CSMD3: variants seen among roughly 807,000 people sequenced by gnomAD.
The protein encoded by CSMD3 is CUB and sushi domain-containing protein 3.
CSMD3 carries 177 observed loss-of-function variants against 435.2 expected under a neutral mutation model. That is an observed-to-expected ratio of 0.41 (90% CI 0.36 to 0.46). The LOEUF is 0.46. Among genes scored for constraint, CSMD3 ranks in the 20% least tolerant of loss-of-function variants. CSMD3 has a pLI of 0.34. For synonymous variants in CSMD3, 1,656 were observed against 1,520.5 expected, an observed-to-expected ratio of 1.09 and a Z score of -2.07; for missense variants, 4,265 against 4,504.6, an observed-to-expected ratio of 0.95 and a Z score of 1.52.
intron 3 of CSMD3, among the ~76,000 whole-genome samples, chr8:113,256,718 A>G (rs1330301548): frequency 6.6e-6 from 1 of 152,210 alleles, no homozygotes; most frequent in Non-Finnish European, 1.5e-5. Context: ...TGCAACAATT[A>G]CAACTTTTAC....
chr8:113,382,224 T>G (rs1375735477), intron 1 of CSMD3, among the ~76,000 whole-genome samples: 2 of 152,154 alleles, frequency 1.3e-5, no homozygotes, highest in Non-Finnish European at 2.9e-5. Flanking sequence ...CTTACTAAGA[T>G]TCTAAGAATA....
chr8:112,657,220 G>A (rs909153047), intron 17 of CSMD3, among the ~76,000 whole-genome samples: 6 of 151,860 alleles, frequency 4.0e-5, no homozygotes, highest in African/African-American at 1.5e-4. Flanking sequence ...GTGCCACCAC[G>A]CCTGGCGGAT....
chr8:112,974,857 C>T (rs1163547557), intron 7 of CSMD3, among the ~76,000 whole-genome samples: 1 of 151,672 alleles, frequency 6.6e-6, no homozygotes, highest in East Asian at 1.9e-4. Flanking sequence ...CAGACCATTA[C>T]TTAAATCATG....
intron 10 of CSMD3, among the ~76,000 whole-genome samples, chr8:112,868,132 C>T (rs966518514): frequency 7.2e-5 from 11 of 152,042 alleles, no homozygotes; most frequent in African/African-American, 2.7e-4. Flanking sequence ...CCTAGGTCTA[C>T]ACAGGGTCAG....
chr8:112,444,033 A>G (rs182087993), intron 32 of CSMD3, among the ~76,000 whole-genome samples: 10 of 152,338 alleles, frequency 6.6e-5, no homozygotes, highest in Non-Finnish European at 1.3e-4. Flanking sequence ...ATTACAATGT[A>G]GTAGAACTGA....
At chr8:112,822,510 G>T (rs916900846) in intron 12 of CSMD3, among the ~76,000 whole-genome samples, 1 of 152,110 alleles carries the variant, frequency 6.6e-6, no homozygotes, top group Non-Finnish European at 1.5e-5. Flanking sequence ...TCTGTATCCT[G>T]AGAGCTTGCT....
In CSMD3 at chr8:112,383,646, A is replaced by G. The variant is rs1319681515; in HGVS notation, c.5952T>C (p.Phe1984=). 6.2e-7 allele frequency: 1 copy of G among 1,603,952 alleles called. No individual in the cohort carries two copies. Among genetic ancestry groups the G allele is most frequent in the Admixed American group, 1.7e-5 (1 of 60,014 alleles). The change falls in exon 37 of 71, where the codon TTT becomes TTC. Residue 1984 remains phenylalanine, a synonymous_variant. Coordinates refer to ENST00000297405, the MANE Select transcript of CSMD3 (RefSeq NM_198123.2). ...GAGAATCCCAATTATGTTCTGTAGC[A>G]AAGCTAACAACTTGCACCTGTGAAA... The part of the protein sequence containing the change: ...GAGIQVQVVS[F]ATEHNWDSLD...
chr8:112,495,925 TA>T (rs560430897), intron 30 of CSMD3, among the ~76,000 whole-genome samples: 173 of 150,912 alleles, frequency 1.1e-3, no homozygotes, highest in Admixed American at 4.0e-3. Context: ...TGTATATGTA[TA>T]TATATATATT....
intron 4 of CSMD3, among the ~76,000 whole-genome samples, chr8:113,145,887 G>C (rs757109685): frequency 6.6e-6 from 1 of 151,476 alleles, no homozygotes; most frequent in African/African-American, 2.4e-5. Context: ...GTTAGTGGGA[G>C]AGAATCCATG....
chr8:112,811,523 T>C (rs957973804), intron 12 of CSMD3, among the ~76,000 whole-genome samples: 1 of 152,156 alleles, frequency 6.6e-6, no homozygotes, highest in Non-Finnish European at 1.5e-5. Context: ...CACTGAGTGT[T>C]AAAGCCTAGG....
At chr8:112,952,352 A>G (rs2083849225) in intron 8 of CSMD3, among the ~76,000 whole-genome samples, 1 of 151,676 alleles carries the variant, frequency 6.6e-6, no homozygotes. Flanking sequence ...GGCCGTGCCC[A>G]TCATAGAATT....
intron 25 of CSMD3, among the ~76,000 whole-genome samples, chr8:112,555,277 A>G (rs1415868357): frequency 6.6e-6 from 1 of 151,968 alleles, no homozygotes; most frequent in Non-Finnish European, 1.5e-5. Context: ...AGTAGAGAAT[A>G]TCTTCAGCTT....
chr8:112,721,833 T>C (rs1399909462), intron 13 of CSMD3, among the ~76,000 whole-genome samples: 1 of 152,120 alleles, frequency 6.6e-6, no homozygotes, highest in Non-Finnish European at 1.5e-5. Flanking sequence ...GATATTAATA[T>C]ATTTGATGTG....
chr8:112,423,957 C>T (rs372924643), intron 32 of CSMD3, among the ~76,000 whole-genome samples: 1 of 152,022 alleles, frequency 6.6e-6, no homozygotes, highest in Non-Finnish European at 1.5e-5. Context: ...TGCTATAATT[C>T]CAATGGAAGT....
chr8:112,450,017 C>T (rs966335141), intron 32 of CSMD3, among the ~76,000 whole-genome samples: 1 of 152,172 alleles, frequency 6.6e-6, no homozygotes, highest in African/African-American at 2.4e-5. Context: ...AACCACCGTG[C>T]CTGGCCAATC....
intron 13 of CSMD3, among the ~76,000 whole-genome samples, chr8:112,691,790 G>T (rs2076142921): frequency 6.6e-6 from 1 of 151,694 alleles, no homozygotes; most frequent in Non-Finnish European, 1.5e-5. Context: ...TTGTTTTTTT[G>T]TTTGTTTGTT....
chr8:112,442,795 T>C (rs372032456), intron 32 of CSMD3, among the ~76,000 whole-genome samples: 26 of 152,310 alleles, frequency 1.7e-4, no homozygotes, highest in African/African-American at 6.3e-4. Context: ...TTACTTTGTT[T>C]CATTCATTTC....
intron 31 of CSMD3, 120 bp downstream of exon 31, chr8:112,492,369 C>T (rs1820781608): frequency 1.3e-6 from 1 of 795,058 alleles, no homozygotes; most frequent in African/African-American, 1.7e-5. Context: ...CTCTGCATTG[C>T]TAGTACGACA....
At chr8:112,293,728 C>A (rs1473231761) in intron 54 of CSMD3, among the ~76,000 whole-genome samples, 2 of 152,044 alleles carry the variant, frequency 1.3e-5, no homozygotes, top group African/African-American at 4.8e-5. Flanking sequence ...TGTTTTATTG[C>A]ATTATCTCAC....
Sources: gnomAD v4.1 joint callset for allele counts (sites outside exome capture counted in the v4.1 genomes callset) on GRCh38, gnomAD v4.1.1 for gene constraint, MANE v1.5 for transcripts, NCBI Gene and HGNC (gene_info 2026-07-23, HGNC 2026-07-21) for gene names.